TRHDE: variants seen among roughly 807,000 people sequenced by gnomAD.
The protein encoded by TRHDE is thyrotropin-releasing hormone-degrading ectoenzyme.
In TRHDE, 72 loss-of-function variants were observed where a neutral mutation model predicts 125.7. That is an observed-to-expected ratio of 0.57 (90% confidence interval 0.47 to 0.70). The LOEUF is 0.70. Ranked by LOEUF, TRHDE falls within the 30% of genes least tolerant of loss-of-function variation. The probability of loss-of-function intolerance (pLI) is 0.00; values close to 1 mark genes in which losing one functional copy is unlikely to be tolerated. For synonymous variants in TRHDE, 509 were observed against 509.1 expected (o/e 1.00, Z 0.00); for missense variants, 1,110 against 1,327.1 (o/e 0.84, Z 2.54).
intron 3 of TRHDE, among the ~76,000 whole-genome samples, chr12:72,429,028 G>A (rs1370586749): frequency 1.3e-5 from 2 of 152,060 alleles, no homozygotes; most frequent in Admixed American, 6.6e-5. Flanking sequence ...AAAAGGATGA[G>A]CTTGTGTCCT....
intron 2 of TRHDE, among the ~76,000 whole-genome samples, chr12:72,202,804 G>C (rs1160602900): frequency 1.3e-5 from 2 of 152,042 alleles, no homozygotes; most frequent in East Asian, 3.9e-4. Flanking sequence ...TTAGACATTT[G>C]TTAATTGTAT....
intron 2 of TRHDE, among the ~76,000 whole-genome samples, chr12:72,225,208 G>A (rs114553278): frequency 9.8e-4 from 149 of 152,260 alleles, no homozygotes; most frequent in African/African-American, 3.3e-3. Flanking sequence ...GAATTACTCT[G>A]TTGGCTGTAG....
chr12:72,271,842 C>T (rs1352631850), upstream of TRHDE: 1 of 446,950 alleles, frequency 2.2e-6, no homozygotes, highest in African/African-American at 2.0e-5. Flanking sequence ...ATGGCCCGGC[C>T]GGACACTTCT....
intron 6 of TRHDE, among the ~76,000 whole-genome samples, chr12:72,514,259 A>G (rs1200790132): frequency 6.6e-6 from 1 of 152,188 alleles, no homozygotes; most frequent in Non-Finnish European, 1.5e-5. Context: ...TTCCACGAAT[A>G]TGAGACAGCA....
At chr12:72,415,408 T>G (rs1218995636) in intron 3 of TRHDE, among the ~76,000 whole-genome samples, 1 of 152,076 alleles carries the variant, frequency 6.6e-6, no homozygotes, top group Non-Finnish European at 1.5e-5. Flanking sequence ...TGAGTTATTT[T>G]GAAATATACA....
chr12:72,231,751 A>T (rs563900681), intron 2 of TRHDE, among the ~76,000 whole-genome samples: 4 of 152,174 alleles, frequency 2.6e-5, no homozygotes, highest in Non-Finnish European at 5.9e-5. Context: ...ATGACATCTG[A>T]TTAGGAAGCA....
chr12:72,106,187 A>G (rs1875183114), intron 2 of TRHDE, among the ~76,000 whole-genome samples: 1 of 152,206 alleles, frequency 6.6e-6, no homozygotes, highest in Admixed American at 6.5e-5. Context: ...AATTTTTAAA[A>G]TTAAATTCAA....
At chr12:72,477,603 T>C (rs527468) in intron 5 of TRHDE, among the ~76,000 whole-genome samples, 61,197 of 152,098 alleles carry the variant, frequency 0.4, 15,388 homozygotes, top group African/African-American at 0.7. Flanking sequence ...ATGCCATTGA[T>C]GGCAATCATA....
chr12:72,281,533 AG>A (rs773645485), intron 1 of TRHDE, among the ~76,000 whole-genome samples: 55 of 152,330 alleles, frequency 3.6e-4, no homozygotes, highest in Middle Eastern at 3.4e-3. Flanking sequence ...TTGCTATAGA[AG>A]TAGGTTCAAA....
intron 3 of TRHDE, among the ~76,000 whole-genome samples, chr12:72,465,202 G>A (rs1337158998): frequency 2.6e-5 from 4 of 151,748 alleles, no homozygotes; most frequent in African/African-American, 7.3e-5. Context: ...TTTTGTTACT[G>A]AGCTTCCTTT....
intron 12 of TRHDE, among the ~76,000 whole-genome samples, chr12:72,616,051 A>G (rs1281685719): frequency 6.6e-6 from 1 of 152,156 alleles, no homozygotes; most frequent in Non-Finnish European, 1.5e-5. Flanking sequence ...TCATTCAAAG[A>G]AGAAGAGAAG....
intron 13 of TRHDE, 36 bp from the exon 14 acceptor site, chr12:72,621,072 C>T (rs768844778): frequency 8.3e-7 from 1 of 1,203,128 alleles, no homozygotes; most frequent in South Asian, 1.3e-5. Context: ...AAGTTTTAAA[C>T]TGACCTTATC....
intron 12 of TRHDE, among the ~76,000 whole-genome samples, chr12:72,615,527 A>T (rs1226065210): frequency 1.3e-5 from 2 of 152,176 alleles, no homozygotes; most frequent in East Asian, 1.9e-4. Flanking sequence ...ATTGTCTCCT[A>T]CAATTCTTAA....
At chr12:72,295,770 T>G (rs1880274477) in intron 2 of TRHDE, among the ~76,000 whole-genome samples, 1 of 142,124 alleles carries the variant, frequency 7.0e-6, no homozygotes, top group Admixed American at 7.3e-5. Context: ...TATAGGTTAA[T>G]GTATTCTAAC....
intron 3 of TRHDE, among the ~76,000 whole-genome samples, chr12:72,409,356 T>C (rs956561466): frequency 8.5e-5 from 13 of 152,214 alleles, no homozygotes; most frequent in Admixed American, 8.5e-4. Context: ...CAACAGGTAC[T>C]ATCTAATAGA....
chr12:72,263,102 A>G (rs1262733784), intron 2 of TRHDE: 2 of 152,112 alleles, frequency 1.3e-5, no homozygotes, highest in Admixed American at 6.6e-5. Context: ...CTTGTTTAAA[A>G]AACCCCATAT....
Position 72,563,117 on chromosome 12 carries a change from A to T in TRHDE, c.2042+77A>T, listed in dbSNP as rs1325095294. 6 of 1,104,094 alleles carry T rather than the reference A, an allele frequency of 5.4e-6. No individual in the cohort carries two copies. The Admixed American group carries it at 8.0e-5, about 15-fold the overall frequency. 68.4% of individuals were successfully genotyped at this position (1,104,094 alleles called of 1,614,324 possible). A position where few individuals can be genotyped will look rare whatever the true frequency, so the allele number is the denominator to read the frequency against. On this transcript the variant is annotated intron_variant, in intron 9 of 18. Transcript: ENST00000261180. ...AGGTTTAATATTTCAAAGAGCATTAATAACAAAATTCTGAAATATTGTAAG... is the reference window on the plus strand; with the variant it reads ...AGGTTTAATATTTCAAAGAGCATTATTAACAAAATTCTGAAATATTGTAAG...
chr12:72,390,078 T>TG (rs1872565576), intron 3 of TRHDE, among the ~76,000 whole-genome samples: 3 of 152,314 alleles, frequency 2.0e-5, no homozygotes, highest in Admixed American at 2.0e-4. Context: ...GTGACAAGCT[T>TG]GAAAAACTAT....
chr12:72,364,854 T>G (rs1871276819), intron 2 of TRHDE, among the ~76,000 whole-genome samples: 1 of 152,110 alleles, frequency 6.6e-6, no homozygotes, highest in African/African-American at 2.4e-5. Context: ...TACCTGGCTG[T>G]CAGTCTTGCT....
Sources: gnomAD v4.1 joint callset for allele counts (sites outside exome capture counted in the v4.1 genomes callset) on GRCh38, gnomAD v4.1.1 for gene constraint, MANE v1.5 for transcripts, NCBI Gene and HGNC (gene_info 2026-07-23, HGNC 2026-07-21) for gene names.